The following UMAD1 variants were observed in gnomAD, a reference collection of about 807,000 sequenced individuals.
The protein encoded by UMAD1 is UBAP1-MVB12-associated (UMA)-domain containing protein 1.
UMAD1 carries 8 observed loss-of-function variants against 6.1 expected under a neutral mutation model. The ratio of observed to expected loss-of-function variants is 1.30; its 90% CI spans 0.76 to 2.35. The LOEUF (loss-of-function observed/expected upper bound fraction) is 2.35. Ranked by LOEUF, UMAD1 falls within the 30% of genes most tolerant of loss-of-function variation. The probability of loss-of-function intolerance (pLI) is 0.00; values close to 1 mark genes in which losing one functional copy is unlikely to be tolerated. For synonymous variants in UMAD1, 56 were observed against 31.4 expected, an observed-to-expected ratio of 1.78 and a Z score of -2.61; for missense variants, 130 against 78.4, an observed-to-expected ratio of 1.66 and a Z score of -2.49.
chr7:7,648,777 C>A (rs1413000515), intron 1 of UMAD1, among the ~76,000 whole-genome samples: 1 of 151,846 alleles, frequency 6.6e-6, no homozygotes, highest in Non-Finnish European at 1.5e-5. Flanking sequence ...GGCTTGAGTT[C>A]AGGAGGTGGA....
intron 2 of UMAD1, among the ~76,000 whole-genome samples, chr7:7,777,516 A>G (rs201557046): frequency 8.6e-6 from 1 of 116,792 alleles, no homozygotes. Context: ...AAAAAAAAAA[A>G]AAAAAAAGAA....
chr7:7,710,626 T>G (rs62432602), intron 2 of UMAD1, among the ~76,000 whole-genome samples: 11,965 of 152,218 alleles, frequency 0.079, 558 homozygotes, highest in South Asian at 0.12. Context: ...GTACAATTAC[T>G]CTGGAAAATA....
intron 2 of UMAD1, chr7:7,685,749 A>T (rs1354328155): frequency 6.6e-6 from 1 of 152,182 alleles, no homozygotes; most frequent in Non-Finnish European, 1.5e-5. Flanking sequence ...CTTTTTAATA[A>T]ACTTTCACTC....
rs150094308 is a variant in UMAD1 at position 7,772,241 on chromosome 7, T to A, written c.83-29429T>A. The A allele has an allele frequency of 2.6e-5, 4 of 152,350 alleles. No homozygotes were observed. The East Asian group carries it at 7.7e-4, about 29-fold the overall frequency. The allele number at this position is 152,350 out of a possible 1,614,324, so 9.4% of individuals were successfully genotyped here. ...GTGTTTCTTGACCTTAATTCCTTAC[T>A]ATGGATTTTAATGGAGAGCCTTAAA... On this transcript the variant is annotated intron_variant, in intron 2 of 3. Coordinates refer to ENST00000682710, the MANE Select transcript of UMAD1 (RefSeq NM_001302348.2).
chr7:7,687,065 G>A (rs549150586), intron 2 of UMAD1, among the ~76,000 whole-genome samples: 1 of 152,278 alleles, frequency 6.6e-6, no homozygotes, highest in African/African-American at 2.4e-5. Flanking sequence ...CTTCCTTTAT[G>A]TGAGACACAA....
chr7:7,820,284 A>G (rs949776636), intron 3 of UMAD1, among the ~76,000 whole-genome samples: 3 of 152,248 alleles, frequency 2.0e-5, no homozygotes, highest in Non-Finnish European at 4.4e-5. Context: ...ATTTAACTTA[A>G]TTACCTAATC....
chr7:7,768,492 C>T (rs1026264032), intron 2 of UMAD1, among the ~76,000 whole-genome samples: 2 of 152,166 alleles, frequency 1.3e-5, no homozygotes, highest in Non-Finnish European at 2.9e-5. Flanking sequence ...TCCTGGATCA[C>T]TTTCTTCTTC....
chr7:7,700,626 G>A (rs753239105), intron 2 of UMAD1, among the ~76,000 whole-genome samples: 1 of 152,138 alleles, frequency 6.6e-6, no homozygotes, highest in Non-Finnish European at 1.5e-5. Context: ...GGTGGCTCAC[G>A]CCTGTAATCC....
chr7:7,850,024 G>A (rs750883506), intron 3 of UMAD1, among the ~76,000 whole-genome samples: 2 of 152,094 alleles, frequency 1.3e-5, no homozygotes, highest in African/African-American at 4.8e-5. Context: ...TGATGTTGTA[G>A]GGAAAAGGAA....
intron 2 of UMAD1, among the ~76,000 whole-genome samples, chr7:7,767,672 T>G (rs1563190171): frequency 2.6e-5 from 4 of 152,192 alleles, no homozygotes; most frequent in African/African-American, 9.7e-5. Flanking sequence ...AGGGGCCAGG[T>G]ACTGGTTTGA....
At chr7:7,665,753 A>G (rs1417108781) in intron 1 of UMAD1, among the ~76,000 whole-genome samples, 3 of 150,520 alleles carry the variant, frequency 2.0e-5, no homozygotes, top group African/African-American at 7.3e-5. Context: ...ACTAGTTTGT[A>G]TTTTTGAGAA....
chr7:7,853,575 G>A (rs954462620), intron 3 of UMAD1, among the ~76,000 whole-genome samples: 1 of 151,660 alleles, frequency 6.6e-6, no homozygotes, highest in Admixed American at 6.6e-5. Flanking sequence ...TGATAGTATT[G>A]TAAATGAAAT....
intron 1 of UMAD1, among the ~76,000 whole-genome samples, chr7:7,651,955 C>G (rs924546016): frequency 6.6e-6 from 1 of 152,170 alleles, no homozygotes; most frequent in Non-Finnish European, 1.5e-5. Flanking sequence ...GCCCTCCTGA[C>G]TCCTCCCTCT....
chr7:7,656,392 G>A (rs559257147), intron 1 of UMAD1, among the ~76,000 whole-genome samples: 2 of 151,890 alleles, frequency 1.3e-5, no homozygotes, highest in East Asian at 3.9e-4. Flanking sequence ...AGGTATACAC[G>A]TGCCATGGTG....
At chr7:7,828,631 T>C (rs1209422385) in intron 3 of UMAD1, among the ~76,000 whole-genome samples, 1 of 152,232 alleles carries the variant, frequency 6.6e-6, no homozygotes, top group Non-Finnish European at 1.5e-5. Context: ...GTAAAGGCTT[T>C]GATCCAGAAA....
intron 2 of UMAD1, among the ~76,000 whole-genome samples, chr7:7,769,321 C>CT (rs1488048891): frequency 6.6e-5 from 10 of 151,684 alleles, no homozygotes; most frequent in African/African-American, 1.5e-4. Flanking sequence ...CTTTAATGTT[C>CT]TTTTTTTTAA....
intron 2 of UMAD1, among the ~76,000 whole-genome samples, chr7:7,674,563 C>T (rs1779690514): frequency 6.6e-6 from 1 of 152,150 alleles, no homozygotes; most frequent in South Asian, 2.1e-4. Context: ...AGACCAGATC[C>T]CTTATACCTG....
intron 2 of UMAD1, among the ~76,000 whole-genome samples, chr7:7,697,478 G>A (rs917224116): frequency 6.6e-6 from 1 of 152,068 alleles, no homozygotes; most frequent in African/African-American, 2.4e-5. Flanking sequence ...TTAAAAAATG[G>A]CTAATGTAAA....
chr7:7,763,585 T>C lies in UMAD1; in HGVS notation c.83-38085T>C, dbSNP rs766095694. On this transcript the variant is annotated intron_variant, in intron 2 of 3. Coordinates refer to ENST00000682710, the MANE Select transcript of UMAD1 (RefSeq NM_001302348.2). ...TTTAAAAATTTAAATATATTTAAGA[T>C]TGAAATTTAGGCCGGGCGTGGTGGC... 7.9e-5 allele frequency among the ~76,000 whole-genome samples: 12 copies of C among 152,168 alleles called. 1 individual carries two copies. The highest frequency in any genetic ancestry group is 1.6e-4 in the Non-Finnish European group (11 of 68,036).
Sources: gnomAD v4.1 joint callset for allele counts (sites outside exome capture counted in the v4.1 genomes callset) on GRCh38, gnomAD v4.1.1 for gene constraint, MANE v1.5 for transcripts, NCBI Gene and HGNC (gene_info 2026-07-23, HGNC 2026-07-21) for gene names.